Variants in AP1G1 observed in about 807,000 individuals in gnomAD.
AP1G1 encodes the protein AP-1 complex subunit gamma-1.
AP1G1 carries 7 observed loss-of-function variants against 108.3 expected under a neutral mutation model. The ratio of observed to expected loss-of-function variants is 0.06; its 90% confidence interval spans 0.04 to 0.12. The LOEUF (loss-of-function observed/expected upper bound fraction) is 0.12. AP1G1 is among the 10% of genes least tolerant of loss of function. AP1G1 has a pLI of 1.00. For missense variants in AP1G1, 756 were observed against 1,010.7 expected, an observed-to-expected ratio of 0.75 and a Z score of 3.42; for synonymous variants, 379 against 353.5, an observed-to-expected ratio of 1.07 and a Z score of -0.81.
chr16:71,797,949 G>A (rs1485196158), intron 1 of AP1G1, among the ~76,000 whole-genome samples: 2 of 152,080 alleles, frequency 1.3e-5, no homozygotes, highest in African/African-American at 2.4e-5. Context: ...TTTAATTAAT[G>A]TATCTGATAT....
intron 2 of AP1G1, among the ~76,000 whole-genome samples, chr16:71,781,586 T>G (rs1489497243): frequency 6.6e-6 from 1 of 152,292 alleles, no homozygotes; most frequent in African/African-American, 2.4e-5. Context: ...TTTAAATGTT[T>G]TAAACTTTAA....
intron 22 of AP1G1, among the ~76,000 whole-genome samples, chr16:71,734,013 T>C (rs947197574): frequency 2.0e-5 from 3 of 152,172 alleles, no homozygotes; most frequent in African/African-American, 4.8e-5. Context: ...GCTCAAAATA[T>C]AGTGAATAGC....
At chr16:71,761,619 GT>G (rs771800575) in intron 9 of AP1G1, 52 bp from the exon 10 acceptor site, 2 of 1,337,020 alleles carry the variant, frequency 1.5e-6, no homozygotes, top group Admixed American at 3.6e-5. Flanking sequence ...GTTTTATATT[GT>G]TTCCTGAGTT....
Position 71,808,761 on chromosome 16 carries a change from A to G in AP1G1, c.-4+2T>C. 3 of 1,289,530 alleles carry G rather than the reference A, an allele frequency of 2.3e-6. No homozygotes were observed. Among genetic ancestry groups the G allele is most frequent in the Non-Finnish European group, 2.0e-6 (2 of 988,708 alleles). The allele number at this position is 1,289,530 out of a possible 1,614,324, so 79.9% of individuals were successfully genotyped here. ...GCTCTCAGCGCCGGGAGTGACACTCACCGGCCCGAAACCTCGAATGAAACC... is the reference window on the plus strand; with the variant it reads ...GCTCTCAGCGCCGGGAGTGACACTCGCCGGCCCGAAACCTCGAATGAAACC... On this transcript the variant is annotated splice_donor_variant, in intron 1 of 22. Transcript: ENST00000299980. LOFTEE classifies it low-confidence loss of function (5UTR_SPLICE).
At chr16:71,766,433 C>A in intron 6 of AP1G1, 1 of 469,272 alleles carries the variant, frequency 2.1e-6, no homozygotes, top group African/African-American at 2.0e-5. Flanking sequence ...TAAATATTGG[C>A]ACTCATTTCA....
intron 1 of AP1G1, among the ~76,000 whole-genome samples, chr16:71,796,319 A>G (rs972908398): frequency 1.3e-5 from 2 of 152,196 alleles, no homozygotes. Context: ...TAAGACAAGC[A>G]TAATTCTTTG....
intron 21 of AP1G1, among the ~76,000 whole-genome samples, chr16:71,736,546 AATTTATTATTT>A (rs1241156020): frequency 8.0e-5 from 11 of 136,954 alleles, no homozygotes; most frequent in African/African-American, 2.5e-4. Flanking sequence ...ACGCCCGGCT[AATTTATTATTT>A]ATTTATTTAT....
intron 1 of AP1G1, among the ~76,000 whole-genome samples, chr16:71,802,342 C>T (rs2032832004): frequency 6.6e-6 from 1 of 152,144 alleles, no homozygotes; most frequent in South Asian, 2.1e-4. Flanking sequence ...TCTTAGCTCA[C>T]TGCAGCCTTG....
At chr16:71,780,926 G>T (rs1000953881) in intron 2 of AP1G1, among the ~76,000 whole-genome samples, 1 of 150,952 alleles carries the variant, frequency 6.6e-6, no homozygotes, top group Non-Finnish European at 1.5e-5. Context: ...CAGGCCATCC[G>T]CCTGCCTCAG....
rs560797897 is a variant in AP1G1, at chr16:71,760,261, G to A, written c.974+1251C>T. ...TTTTTTTTTTTTGAAACAGGGTCTC[G>A]GCCAGGTGTGGTGGCTCACGCCTGT... On this transcript the variant is annotated intron_variant, in intron 10 of 22. Transcript: ENST00000299980. Among the ~76,000 whole-genome samples, 14 of 148,962 alleles carry A rather than the reference G, an allele frequency of 9.4e-5. No homozygotes were observed. In the South Asian group the frequency reaches 2.3e-3, roughly 25 times the overall value.
At chr16:71,744,996 C>G in intron 19 of AP1G1, 148 bp downstream of exon 19, 1 of 818,452 alleles carries the variant, frequency 1.2e-6, no homozygotes, top group Non-Finnish European at 1.9e-6. Context: ...AACATATAAC[C>G]CGGATATTGT....
chr16:71,802,756 C>T (rs1388568166), intron 1 of AP1G1, among the ~76,000 whole-genome samples: 1 of 150,608 alleles, frequency 6.6e-6, no homozygotes, highest in Non-Finnish European at 1.5e-5. Flanking sequence ...CAGCCAGAGT[C>T]CCACTGTGTT....
chr16:71,783,336 C>G (rs755858016), intron 2 of AP1G1, among the ~76,000 whole-genome samples: 2 of 152,050 alleles, frequency 1.3e-5, no homozygotes, highest in Non-Finnish European at 2.9e-5. Flanking sequence ...ATGACGTCCA[C>G]AGAGACTCTT....
chr16:71,732,709 C>T lies in AP1G1; in HGVS notation c.*349G>A. ...TGCAGAGACAAAGTGAGTGTTTTTT[C>T]GCCATGGATTGCAGTCCTCTCCTCC... On this transcript the variant is annotated 3_prime_UTR_variant, in exon 23 of 23. Coordinates refer to ENST00000299980, the MANE Select transcript of AP1G1 (RefSeq NM_001128.6). The T allele has an allele frequency of 1.0e-5, 2 of 192,954 alleles. No homozygotes were observed. The highest frequency in any genetic ancestry group is 3.4e-4 in the South Asian group (2 of 5,956). 12.0% of individuals were successfully genotyped at this position (192,954 alleles called of 1,614,324 possible).
intron 2 of AP1G1, among the ~76,000 whole-genome samples, chr16:71,778,448 C>T (rs932440378): frequency 1.3e-5 from 2 of 152,060 alleles, no homozygotes; most frequent in East Asian, 1.9e-4. Flanking sequence ...TTTGGGAGGC[C>T]GAGGTGGGTG....
intron 19 of AP1G1, among the ~76,000 whole-genome samples, chr16:71,740,135 G>C (rs192467180): frequency 6.6e-6 from 1 of 152,354 alleles, no homozygotes; most frequent in Non-Finnish European, 1.5e-5. Context: ...AATCTAGAGA[G>C]TAATTTGGCA....
intron 13 of AP1G1, chr16:71,753,435 T>C (rs1410979087): frequency 2.4e-5 from 4 of 167,248 alleles, no homozygotes; most frequent in African/African-American, 9.6e-5. Context: ...TGGCTTCACT[T>C]GCCTTCCTGT....
chr16:71,767,732 C>T (rs1252404669), intron 6 of AP1G1: 2 of 776,232 alleles, frequency 2.6e-6, no homozygotes, highest in Non-Finnish European at 4.0e-6. Flanking sequence ...AGGAAGTTAG[C>T]CAAAGATGGT....
At position 71,730,280 on chromosome 16, in the gene AP1G1, AT is replaced by A. The variant is rs2145400666; in HGVS notation, c.*2777del. ...CAGTTTTTTGAGATTACTTAGATGA[AT>A]TAATTCTCCTTTAGGATTCCCCGGG... On this transcript the variant is annotated 3_prime_UTR_variant, in exon 23 of 23. Coordinates refer to ENST00000299980, the MANE Select transcript of AP1G1 (RefSeq NM_001128.6). The A allele has an allele frequency of 6.6e-6, 1 of 151,892 alleles. No homozygotes were observed. The highest frequency in any genetic ancestry group is 1.5e-5 in the Non-Finnish European group (1 of 67,856). 9.4% of individuals were successfully genotyped at this position (151,892 alleles called of 1,614,324 possible). A position where few individuals can be genotyped will look rare whatever the true frequency, so the allele number is the denominator to read the frequency against.
Sources: gnomAD v4.1 joint callset for allele counts (sites outside exome capture counted in the v4.1 genomes callset) on GRCh38, gnomAD v4.1.1 for gene constraint, MANE v1.5 for transcripts, NCBI Gene and HGNC (gene_info 2026-07-23, HGNC 2026-07-21) for gene names.